Variants in PLCB4 observed in about 807,000 individuals in gnomAD.
PLCB4 encodes the protein 1-phosphatidylinositol 4,5-bisphosphate phosphodiesterase beta-4.
In PLCB4, 77 loss-of-function variants were observed where a neutral mutation model predicts 178.8. That is an observed-to-expected ratio of 0.43 (90% CI 0.36 to 0.52). The LOEUF (loss-of-function observed/expected upper bound fraction) is 0.52. Ranked by LOEUF, PLCB4 falls within the 20% of genes least tolerant of loss-of-function variation. The pLI is 0.00. For missense variants in PLCB4, 1,024 were observed against 1,453.4 expected (o/e 0.70, Z 4.80); for synonymous variants, 496 against 490.8 (o/e 1.01, Z -0.14).
chr20:9,075,298 A>G lies in PLCB4; in HGVS notation c.-135+6092A>G, dbSNP rs78914270. On this transcript the variant is annotated intron_variant, in intron 1 of 39. Coordinates refer to ENST00000378473, the MANE Select transcript of PLCB4 (RefSeq NM_001377142.1). ...TGTTACCATAACAAGTTTTGTGATA[A>G]TTATTTTAAGTGACTAGGCTGAGAT... is the stretch of plus-strand genomic sequence containing the variant. Among the ~76,000 whole-genome samples, 3 of 152,242 alleles carry G rather than the reference A, an allele frequency of 2.0e-5. No homozygotes were observed. The East Asian group carries it at 5.8e-4, about 29-fold the overall frequency.
At chr20:9,263,809 A>G (rs960418034) in intron 3 of PLCB4, among the ~76,000 whole-genome samples, 1 of 152,178 alleles carries the variant, frequency 6.6e-6, no homozygotes, top group African/African-American at 2.4e-5. Context: ...TTTTGTGTCC[A>G]TCTTATTGTG....
At position 9,463,336 on chromosome 20, in the gene PLCB4, G is replaced by A. The variant is rs184164015; in HGVS notation, c.3248+3526G>A. Among the ~76,000 whole-genome samples the A allele has an allele frequency of 4.9e-4, 75 of 152,084 alleles. 1 individual carries two copies. Among genetic ancestry groups the A allele is most frequent in the African/African-American group, 1.8e-3 (73 of 41,494 alleles). On this transcript the variant is annotated intron_variant, in intron 35 of 39. Coordinates refer to ENST00000378473, the MANE Select transcript of PLCB4 (RefSeq NM_001377142.1). ...CATGCCAAATTGTAAAGACCAACGA[G>A]GCTAGGAAGAAACTGCATCAATTAA...
Position 9,103,085 on chromosome 20 carries a change from C to T in PLCB4, c.-79+6743C>T, listed in dbSNP as rs944374951. Among the ~76,000 whole-genome samples the T allele has an allele frequency of 8.8e-5, 13 of 147,048 alleles. No individual in the cohort carries two copies. The East Asian group carries it at 1.0e-3, about 11-fold the overall frequency. On this transcript the variant is annotated intron_variant, in intron 2 of 39. Coordinates refer to ENST00000378473, the MANE Select transcript of PLCB4 (RefSeq NM_001377142.1). ...TGTCTCCCAGGCTGGAGTGCAGTGG[C>T]GGGATCTCGGCTCACTGCAAGCTCC...
intron 2 of PLCB4, among the ~76,000 whole-genome samples, chr20:9,125,430 C>G (rs577234016): frequency 6.6e-6 from 1 of 151,626 alleles, no homozygotes; most frequent in South Asian, 2.1e-4. Flanking sequence ...ACCACTTGTT[C>G]CACATTTTTA....
At chr20:9,291,701 A>G (rs754819599) in intron 3 of PLCB4, among the ~76,000 whole-genome samples, 8 of 152,162 alleles carry the variant, frequency 5.3e-5, no homozygotes, top group Non-Finnish European at 1.2e-4. Context: ...TTTTGGGCGC[A>G]TAAGGAGATA....
At chr20:9,141,516 G>A (rs2146873576) in intron 2 of PLCB4, among the ~76,000 whole-genome samples, 1 of 152,236 alleles carries the variant, frequency 6.6e-6, no homozygotes, top group Non-Finnish European at 1.5e-5. Context: ...TTGCATGCTA[G>A]GATTTTTCAA....
intron 3 of PLCB4, among the ~76,000 whole-genome samples, chr20:9,262,306 GGTGAGTGAGCGAGTGA>G (rs1358607906): frequency 1.3e-5 from 2 of 151,988 alleles, no homozygotes; most frequent in East Asian, 3.9e-4. Flanking sequence ...CAGGTGAGTA[GGTGAGTGAGCGAGTGA>G]GTGAGTGAGT....
intron 3 of PLCB4, among the ~76,000 whole-genome samples, chr20:9,285,320 A>C (rs747642603): frequency 6.6e-6 from 1 of 151,988 alleles, no homozygotes. Context: ...TATTGGTTTC[A>C]TGTGACTAAT....
intron 9 of PLCB4, among the ~76,000 whole-genome samples, chr20:9,368,492 G>A (rs1001103751): frequency 3.3e-5 from 5 of 152,164 alleles, no homozygotes; most frequent in African/African-American, 1.2e-4. Flanking sequence ...GGCAGGGGCT[G>A]GAAGAGATCC....
At chr20:9,106,622 A>G (rs2091375525) in intron 2 of PLCB4, among the ~76,000 whole-genome samples, 1 of 152,058 alleles carries the variant, frequency 6.6e-6, no homozygotes, top group Non-Finnish European at 1.5e-5. Context: ...CTAAATGTTT[A>G]CTCTCAATTT....
chr20:9,412,383 A>G (rs1423311048), intron 25 of PLCB4, among the ~76,000 whole-genome samples: 3 of 152,016 alleles, frequency 2.0e-5, no homozygotes, highest in African/African-American at 7.2e-5. Flanking sequence ...AGCTGCTCCT[A>G]GTTCTTGCTG....
intron 20 of PLCB4, among the ~76,000 whole-genome samples, chr20:9,402,005 A>C (rs1017150446): frequency 6.6e-6 from 1 of 152,214 alleles, no homozygotes; most frequent in South Asian, 2.1e-4. Context: ...AAAGTACAGT[A>C]AGCATAAAAA....
At chr20:9,427,915 A>T (rs2041138785) in intron 28 of PLCB4, among the ~76,000 whole-genome samples, 1 of 152,112 alleles carries the variant, frequency 6.6e-6, no homozygotes, top group Non-Finnish European at 1.5e-5. Flanking sequence ...GGCAGTGCTG[A>T]TCATTACTTC....
intron 2 of PLCB4, among the ~76,000 whole-genome samples, chr20:9,125,380 G>T (rs2092084846): frequency 6.6e-6 from 1 of 151,990 alleles, no homozygotes; most frequent in African/African-American, 2.4e-5. Context: ...AATGTGTGTG[G>T]TAAGAAGTAA....
At chr20:9,294,276 G>T (rs1275528443) in intron 3 of PLCB4, among the ~76,000 whole-genome samples, 1 of 152,086 alleles carries the variant, frequency 6.6e-6, no homozygotes, top group Non-Finnish European at 1.5e-5. Context: ...CAGATTAAAG[G>T]GATGTTGTGT....
At chr20:9,279,101 G>A (rs1240358136) in intron 3 of PLCB4, among the ~76,000 whole-genome samples, 2 of 152,070 alleles carry the variant, frequency 1.3e-5, no homozygotes, top group African/African-American at 2.4e-5. Flanking sequence ...TTATGAAACT[G>A]TGGGAAAAAT....
chr20:9,259,427 G>C (rs1272582115), intron 3 of PLCB4, among the ~76,000 whole-genome samples: 5 of 152,134 alleles, frequency 3.3e-5, no homozygotes, highest in African/African-American at 1.2e-4. Flanking sequence ...TTGGGAAGTA[G>C]AAAGGGGAAA....
At chr20:9,106,037 C>A (rs1280439452) in intron 2 of PLCB4, among the ~76,000 whole-genome samples, 1 of 151,984 alleles carries the variant, frequency 6.6e-6, no homozygotes, top group Non-Finnish European at 1.5e-5. Flanking sequence ...ACCGGGAAAA[C>A]ATTTACAAAC....
At chr20:9,406,450 C>T (rs1194760369) in intron 21 of PLCB4, among the ~76,000 whole-genome samples, 1 of 151,380 alleles carries the variant, frequency 6.6e-6, no homozygotes, top group Non-Finnish European at 1.5e-5. Flanking sequence ...ATTTAGAATG[C>T]TCAGATTGTT....
Sources: gnomAD v4.1 joint callset for allele counts (sites outside exome capture counted in the v4.1 genomes callset) on GRCh38, gnomAD v4.1.1 for gene constraint, MANE v1.5 for transcripts, NCBI Gene and HGNC (gene_info 2026-07-23, HGNC 2026-07-21) for gene names.